Variants in DDX50 observed in about 807,000 individuals in gnomAD.
The protein encoded by DDX50 is ATP-dependent RNA helicase DDX50.
In DDX50, 56 loss-of-function variants were observed where a neutral mutation model predicts 94.8. That is an observed-to-expected ratio of 0.59 (90% CI 0.48 to 0.74). DDX50 has a LOEUF of 0.74. Among genes scored for constraint, DDX50 ranks in the 30% least tolerant of loss-of-function variants. The probability of loss-of-function intolerance (pLI) is 0.00; values close to 1 mark genes in which losing one functional copy is unlikely to be tolerated. For synonymous variants in DDX50, 264 were observed against 295.4 expected (o/e 0.89, Z 1.09); for missense variants, 713 against 881.2 (o/e 0.81, Z 2.42).
At chr10:68,929,971 G>A (rs1842209017) in intron 8 of DDX50, among the ~76,000 whole-genome samples, 2 of 151,362 alleles carry the variant, frequency 1.3e-5, no homozygotes, top group African/African-American at 2.4e-5. Flanking sequence ...GACCTCAAGT[G>A]ATCCGCCCAC....
chr10:68,907,998 C>T (rs1217597478), intron 2 of DDX50, among the ~76,000 whole-genome samples: 1 of 152,054 alleles, frequency 6.6e-6, no homozygotes, highest in African/African-American at 2.4e-5. Flanking sequence ...AATAAGTACT[C>T]TTATCATAGT....
Position 68,919,997 on chromosome 10 carries a change from A to T in DDX50, c.1239+16A>T, listed in dbSNP as rs781093221. The T allele has an allele frequency of 6.2e-7, 1 of 1,612,728 alleles. No homozygotes were observed. Among genetic ancestry groups the T allele is most frequent in the Non-Finnish European group, 8.5e-7 (1 of 1,179,578 alleles). ...CATAAAACAGGTAAGTCTTTTTTTC[A>T]TGCTTTCTCTAATTGAAATTATGGG... On this transcript the variant is annotated intron_variant, in intron 8 of 14. Transcript: ENST00000373585.
chr10:68,913,763 T>A (rs1841704256), intron 6 of DDX50, among the ~76,000 whole-genome samples, 187 bp downstream of exon 6: 1 of 152,252 alleles, frequency 6.6e-6, no homozygotes, highest in Non-Finnish European at 1.5e-5. Flanking sequence ...CTTAGCTTTC[T>A]GTGCTTTATT....
intron 7 of DDX50, among the ~76,000 whole-genome samples, chr10:68,915,442 G>T (rs1167798837): frequency 6.6e-6 from 1 of 151,252 alleles, no homozygotes; most frequent in African/African-American, 2.4e-5. Context: ...AAAAGGCTGG[G>T]TGCGGTGGCT....
chr10:68,936,998 TAGA>T lies in DDX50; in HGVS notation c.1662_1664del (p.Glu555del), dbSNP rs1332742232. ...TTCCGACCATCAGCTCAGAGACTGA[TAGA>T]AGAGAAAGGTGCAGTGGATGCATTG... is the stretch of plus-strand genomic sequence containing the variant. On this transcript the variant is annotated inframe_deletion, in exon 12 of 15. Coordinates refer to ENST00000373585, the MANE Select transcript of DDX50 (RefSeq NM_024045.2). The T allele has an allele frequency of 6.2e-7, 1 of 1,612,124 alleles. No homozygotes were observed. The highest frequency in any genetic ancestry group is 1.3e-5 in the African/African-American group (1 of 74,874).
At chr10:68,906,641 C>A (rs963652374) in intron 1 of DDX50, 70 bp from the exon 2 acceptor site, 18 of 1,538,656 alleles carry the variant, frequency 1.2e-5, no homozygotes, top group Non-Finnish European at 1.6e-5. Context: ...GGGAGTCATG[C>A]TCTAACTTCT....
chr10:68,937,195 C>G, intron 12 of DDX50, 100 bp downstream of exon 12: 2 of 1,276,346 alleles, frequency 1.6e-6, no homozygotes, highest in Non-Finnish European at 2.1e-6. Context: ...CAGAAAAAAA[C>G]TGTTTTGCTC....
At chr10:68,917,201 T>C (rs1230430217) in intron 7 of DDX50, among the ~76,000 whole-genome samples, 1 of 151,964 alleles carries the variant, frequency 6.6e-6, no homozygotes, top group Non-Finnish European at 1.5e-5. Flanking sequence ...GGCTCACACC[T>C]ATAATCCCAG....
intron 8 of DDX50, among the ~76,000 whole-genome samples, chr10:68,933,739 A>C (rs1355932893): frequency 6.6e-6 from 1 of 151,408 alleles, no homozygotes; most frequent in Non-Finnish European, 1.5e-5. Context: ...GTTCAAGACC[A>C]GCCTGATCAA....
At chr10:68,915,488 C>T (rs569030911) in intron 7 of DDX50, among the ~76,000 whole-genome samples, 4 of 151,944 alleles carry the variant, frequency 2.6e-5, no homozygotes, top group African/African-American at 4.8e-5. Context: ...GAGGCTGAGG[C>T]GGGCAGATCA....
chr10:68,920,065 G>C, intron 8 of DDX50, 84 bp downstream of exon 8: 2 of 1,527,304 alleles, frequency 1.3e-6, no homozygotes, highest in Middle Eastern at 3.5e-4. Flanking sequence ...TTGTGGACCA[G>C]ATTTGATAGT....
chr10:68,931,153 T>A (rs958052088), intron 8 of DDX50, among the ~76,000 whole-genome samples: 8 of 152,014 alleles, frequency 5.3e-5, no homozygotes, highest in African/African-American at 1.9e-4. Context: ...ATTATTTGAT[T>A]AATGTCCATC....
intron 7 of DDX50, among the ~76,000 whole-genome samples, chr10:68,917,226 G>A (rs1367477584): frequency 6.6e-6 from 1 of 151,934 alleles, no homozygotes; most frequent in African/African-American, 2.4e-5. Context: ...TTGGGAGGAC[G>A]AGGATGGTAG....
rs1233290162 is a variant in DDX50 at position 68,911,129 on chromosome 10, A to G, written c.522A>G (p.Gly174=). ...QVKTFGPVYE[G]KDLIAQARTG... ...AGACCTTTGGTCCTGTATATGAAGG[A>G]AAAGATTTAATAGCTCAAGCACGGA... The change falls in exon 4 of 15, where the codon GGA becomes GGG. Residue 174 remains glycine, a synonymous_variant. Transcript: ENST00000373585. 1 of 1,611,518 alleles carries G rather than the reference A, an allele frequency of 6.2e-7. No individual in the cohort carries two copies. Among genetic ancestry groups the G allele is most frequent in the Non-Finnish European group, 8.5e-7 (1 of 1,178,936 alleles).
At chr10:68,907,728 CT>C (rs111958927) in intron 2 of DDX50, among the ~76,000 whole-genome samples, 17,889 of 147,546 alleles carry the variant, frequency 0.12, 1,321 homozygotes, top group Admixed American at 0.19. Context: ...GTGTTATGGC[CT>C]TTTTTTTTTT....
At position 68,912,863 on chromosome 10, in the gene DDX50, G is replaced by A. The variant is rs983583381; in HGVS notation, c.640-299G>A. 2.2e-4 allele frequency among the ~76,000 whole-genome samples: 34 copies of A among 152,230 alleles called. 1 individual carries two copies. The highest frequency in any genetic ancestry group is 2.6e-4 in the Non-Finnish European group (18 of 68,028). On this transcript the variant is annotated intron_variant, in intron 4 of 14. Coordinates refer to ENST00000373585, the MANE Select transcript of DDX50 (RefSeq NM_024045.2). Reference sequence around the variant, plus strand: ...TTTTATTGGGTGAGATAGACAATCAGCAAATAAGTAAAATATCAGTATCTT... The same window carrying A: ...TTTTATTGGGTGAGATAGACAATCAACAAATAAGTAAAATATCAGTATCTT...
At chr10:68,932,744 C>T (rs1382980031) in intron 8 of DDX50, among the ~76,000 whole-genome samples, 1 of 152,124 alleles carries the variant, frequency 6.6e-6, no homozygotes, top group African/African-American at 2.4e-5. Flanking sequence ...CTAAAAATTA[C>T]AGACATGTAA....
At chr10:68,924,316 G>T (rs963059304) in intron 8 of DDX50, among the ~76,000 whole-genome samples, 1 of 151,806 alleles carries the variant, frequency 6.6e-6, no homozygotes, top group African/African-American at 2.4e-5. Context: ...TGTTGCCAGC[G>T]TTGGAGTGCC....
chr10:68,908,744 T>C (rs1841542004), intron 2 of DDX50, among the ~76,000 whole-genome samples: 1 of 147,636 alleles, frequency 6.8e-6, no homozygotes, highest in South Asian at 2.1e-4. Flanking sequence ...TGGGCTCAGG[T>C]GATCCTCCCA....
Sources: allele counts gnomAD v4.1 joint callset (sites outside exome capture counted in the v4.1 genomes callset), GRCh38; gene constraint gnomAD v4.1.1; transcripts MANE v1.5; gene names NCBI Gene and HGNC (gene_info 2026-07-23, HGNC 2026-07-21).